Variants in ERBB4 observed in about 807,000 individuals in gnomAD.
ERBB4 encodes receptor tyrosine-protein kinase erbB-4.
Under a neutral mutation model 158.0 loss-of-function variants are expected in ERBB4, and 42 were observed. The ratio of observed to expected loss-of-function variants is 0.27; its 90% CI spans 0.21 to 0.34. The LOEUF (loss-of-function observed/expected upper bound fraction) is 0.34. Ranked by LOEUF, ERBB4 falls within the 10% of genes least tolerant of loss-of-function variation. ERBB4 has a pLI of 1.00. For missense variants in ERBB4, 1,333 were observed against 1,624.1 expected (o/e 0.82, Z 3.08); for synonymous variants, 583 against 558.7 (o/e 1.04, Z -0.61).
intron 1 of ERBB4, among the ~76,000 whole-genome samples, chr2:212,447,118 T>G (rs907164648): frequency 5.3e-5 from 8 of 151,740 alleles, no homozygotes; most frequent in African/African-American, 1.9e-4. Flanking sequence ...TGCCTCAGCC[T>G]CCCAAGTAGC....
intron 20 of ERBB4, among the ~76,000 whole-genome samples, chr2:211,505,846 G>A (rs2065733223): frequency 6.6e-6 from 1 of 151,716 alleles, no homozygotes; most frequent in Non-Finnish European, 1.5e-5. Context: ...TATAATCCCA[G>A]CTACTCAGGA....
At chr2:211,882,083 A>G (rs2078679931) in intron 3 of ERBB4, among the ~76,000 whole-genome samples, 1 of 152,178 alleles carries the variant, frequency 6.6e-6, no homozygotes, top group Admixed American at 6.5e-5. Context: ...ACCCCTGCTC[A>G]TTCCCTTTAT....
At chr2:211,829,959 T>C (rs4606869) in intron 3 of ERBB4, among the ~76,000 whole-genome samples, 35,298 of 152,120 alleles carry the variant, frequency 0.23, 4,240 homozygotes, top group South Asian at 0.32. Flanking sequence ...CCAATCACAT[T>C]ACTTGGAGTG....
intron 1 of ERBB4, among the ~76,000 whole-genome samples, chr2:212,505,417 A>C (rs1209191829): frequency 8.1e-6 from 1 of 124,188 alleles, no homozygotes; most frequent in African/African-American, 2.5e-5. Context: ...TCTTGAAGAG[A>C]GTGAGTATTA....
intron 15 of ERBB4, among the ~76,000 whole-genome samples, chr2:211,662,842 A>C (rs1014987979): frequency 6.6e-6 from 1 of 152,242 alleles, no homozygotes; most frequent in Non-Finnish European, 1.5e-5. Flanking sequence ...TTTAATTCTA[A>C]AAAATGTGGT....
At chr2:211,876,662 T>C (rs549831672) in intron 3 of ERBB4, among the ~76,000 whole-genome samples, 2 of 152,224 alleles carry the variant, frequency 1.3e-5, no homozygotes, top group East Asian at 3.9e-4. Context: ...ATACTATTAA[T>C]AATTTCTGGC....
chr2:212,410,914 T>C (rs1356789763), intron 1 of ERBB4, among the ~76,000 whole-genome samples: 2 of 152,094 alleles, frequency 1.3e-5, no homozygotes, highest in Non-Finnish European at 2.9e-5. Flanking sequence ...AGCCTCAAAA[T>C]AATGAACTAC....
At chr2:212,186,176 T>C (rs1048026579) in intron 1 of ERBB4, among the ~76,000 whole-genome samples, 2 of 152,166 alleles carry the variant, frequency 1.3e-5, no homozygotes, top group Non-Finnish European at 2.9e-5. Context: ...GGAAAGTGCC[T>C]CCAGAGGTCA....
At chr2:212,038,871 G>A (rs2077075084) in intron 2 of ERBB4, among the ~76,000 whole-genome samples, 1 of 152,030 alleles carries the variant, frequency 6.6e-6, no homozygotes, top group South Asian at 2.1e-4. Context: ...ATCTTCTCTA[G>A]GGCATGATCG....
chr2:212,201,755 TAC>T (rs2082592784), intron 1 of ERBB4, among the ~76,000 whole-genome samples: 1 of 152,332 alleles, frequency 6.6e-6, no homozygotes, highest in Admixed American at 6.5e-5. Context: ...CCTTCCTCTC[TAC>T]AGTTATGACT....
intron 3 of ERBB4, among the ~76,000 whole-genome samples, chr2:211,942,865 TAAG>T (rs1475559322): frequency 2.0e-5 from 3 of 152,244 alleles, no homozygotes; most frequent in Admixed American, 6.5e-5. Context: ...TTCAAATATC[TAAG>T]GTGAAATGTA....
chr2:212,237,969 G>A (rs1471549264), intron 1 of ERBB4, among the ~76,000 whole-genome samples: 2 of 152,202 alleles, frequency 1.3e-5, no homozygotes, highest in African/African-American at 4.8e-5. Flanking sequence ...AGACTGCTGT[G>A]CTGGCAGCAT....
At chr2:211,955,790 G>C in intron 2 of ERBB4, among the ~76,000 whole-genome samples, 1 of 152,070 alleles carries the variant, frequency 6.6e-6, no homozygotes, top group East Asian at 1.9e-4. Context: ...AATTCTGCCT[G>C]TTCACATTGC....
chr2:211,540,205 T>TATATATATATATATATATATAC lies in ERBB4; in HGVS notation c.2487+21697_2487+21698insGTATATATATATATATATATAT, dbSNP rs60602351. Among the ~76,000 whole-genome samples, 6 of 147,840 alleles carry TATATATATATATATATATATAC rather than the reference T, an allele frequency of 4.1e-5. No homozygotes were observed. The East Asian group carries it at 8.1e-4, about 20-fold the overall frequency. On this transcript the variant is annotated intron_variant, in intron 20 of 27. Transcript: ENST00000342788. ...TACATGATTTATATATATATATATA[T>TATATATATATATATATATATAC]ACACACACACATATATATAATACAT... is the stretch of plus-strand genomic sequence containing the variant.
intron 16 of ERBB4, among the ~76,000 whole-genome samples, chr2:211,644,355 T>G (rs2070708118): frequency 1.3e-5 from 2 of 152,016 alleles, no homozygotes; most frequent in South Asian, 4.1e-4. Context: ...CATTTCTAAT[T>G]ATGGGGAAAC....
intron 2 of ERBB4, among the ~76,000 whole-genome samples, chr2:212,007,899 T>A (rs563456459): frequency 6.6e-6 from 1 of 152,006 alleles, no homozygotes; most frequent in Non-Finnish European, 1.5e-5. Flanking sequence ...AGAAAATTGG[T>A]TTAATTCTTT....
At chr2:211,769,211 A>C (rs2075631203) in intron 4 of ERBB4, among the ~76,000 whole-genome samples, 1 of 152,130 alleles carries the variant, frequency 6.6e-6, no homozygotes, top group African/African-American at 2.4e-5. Flanking sequence ...GTTCCAAATA[A>C]ATTCCTCATA....
chr2:211,695,271 T>G (rs1437671054), intron 12 of ERBB4, among the ~76,000 whole-genome samples: 1 of 152,180 alleles, frequency 6.6e-6, no homozygotes, highest in African/African-American at 2.4e-5. Context: ...CAATTAACTA[T>G]AGTTCTGAAA....
chr2:211,724,639 A>G (rs1015685075), intron 6 of ERBB4, among the ~76,000 whole-genome samples: 2 of 152,154 alleles, frequency 1.3e-5, no homozygotes, highest in African/African-American at 4.8e-5. Context: ...TTAAAATAAT[A>G]TTACCTTTAA....
Sources: allele counts gnomAD v4.1 joint callset (sites outside exome capture counted in the v4.1 genomes callset), GRCh38; gene constraint gnomAD v4.1.1; transcripts MANE v1.5; gene names NCBI Gene and HGNC (gene_info 2026-07-23, HGNC 2026-07-21).